PDE10A: variants seen among roughly 807,000 people sequenced by gnomAD.
PDE10A encodes phosphodiesterase 10A.
A neutral mutation model predicts 97.7 loss-of-function variants in PDE10A; 39 were observed. That is an observed-to-expected ratio of 0.40 (90% confidence interval 0.31 to 0.52). The LOEUF (loss-of-function observed/expected upper bound fraction) is 0.52. PDE10A is among the 20% of genes least tolerant of loss of function. The pLI, the probability that PDE10A is intolerant of heterozygous loss-of-function variation, is 0.56. For synonymous variants in PDE10A, 371 were observed against 376.8 expected (o/e 0.98, Z 0.18); for missense variants, 731 against 1,047.8 (o/e 0.70, Z 4.17).
In PDE10A at chr6:165,919,757, G is replaced by A. The variant is rs76144499; in HGVS notation, c.-615+67772C>T. Among the ~76,000 whole-genome samples the A allele has an allele frequency of 7.5e-3, 1,141 of 152,280 alleles. 14 individuals carry two copies. The highest frequency in any genetic ancestry group is 0.024 in the African/African-American group (1,009 of 41,558). On this transcript the variant is annotated intron_variant, in intron 1 of 19. Coordinates refer to the PDE10A transcript ENST00000366882. Reference sequence around the variant, plus strand: ...TATCTTTCGCAGTCCTGTTTTAAGAGCTATAATTATTTATTTGCTCTTTAT... The same window carrying A: ...TATCTTTCGCAGTCCTGTTTTAAGAACTATAATTATTTATTTGCTCTTTAT...
rs1424722791 is a variant in PDE10A, at chr6:165,662,924, C to T, written c.-113G>A. 2.0e-5 allele frequency among the ~76,000 whole-genome samples: 3 copies of T among 151,338 alleles called. No individual in the cohort carries two copies. Among genetic ancestry groups the T allele is most frequent in the Non-Finnish European group, 4.4e-5 (3 of 67,736 alleles). ...TGCCCACCCCTGCCGGCCGCCCGAA[C>T]CGCTGCCTGGTCCTCCTCTCCGGTC... On this transcript the variant is annotated 5_prime_UTR_variant, in exon 1 of 22. Transcript: ENST00000539869.
At chr6:165,782,802 G>A (rs1778379257) in intron 1 of PDE10A, among the ~76,000 whole-genome samples, 1 of 152,144 alleles carries the variant, frequency 6.6e-6, no homozygotes. Flanking sequence ...TGACTTAATG[G>A]GTATGAGATG....
chr6:165,669,278 G>C (rs1252130941), intron 1 of PDE10A, among the ~76,000 whole-genome samples: 1 of 152,218 alleles, frequency 6.6e-6, no homozygotes, highest in Non-Finnish European at 1.5e-5. Context: ...CTAACTCTCA[G>C]ACTGGGAGTT....
chr6:165,665,811 TAATC>T (rs1445841004), upstream of PDE10A, among the ~76,000 whole-genome samples: 4 of 152,148 alleles, frequency 2.6e-5, no homozygotes, highest in African/African-American at 9.7e-5. Flanking sequence ...CCAAGGAAAA[TAATC>T]AAGAGTTTTG....
rs567095060 is a variant in PDE10A, at chr6:165,382,646, CTG to C, written c.2611-3282_2611-3281del. 1.5e-4 allele frequency among the ~76,000 whole-genome samples: 23 copies of C among 152,018 alleles called. No individual in the cohort carries two copies. The East Asian group carries it at 4.3e-3, about 28-fold the overall frequency. ...CTCATGGGGATATAATAAAAATAAA[CTG>C]TATTAAAATATGTACAAAATATTTA... is the stretch of plus-strand genomic sequence containing the variant. On this transcript the variant is annotated intron_variant, in intron 17 of 21. Coordinates refer to ENST00000539869, the MANE Select transcript of PDE10A (RefSeq NM_001385079.1).
chr6:165,726,823 G>A (rs572160855), intron 1 of PDE10A, among the ~76,000 whole-genome samples: 2 of 152,322 alleles, frequency 1.3e-5, no homozygotes, highest in East Asian at 1.9e-4. Context: ...CAGCCCAGTT[G>A]CCGACCACAG....
intron 5 of PDE10A, 24 bp downstream of exon 5, chr6:165,448,904 C>T: frequency 6.5e-7 from 1 of 1,542,088 alleles, no homozygotes; most frequent in Non-Finnish European, 8.9e-7. Context: ...TCTAGAGCAC[C>T]AAAATCTAAA....
At chr6:165,449,842 T>C (rs1179123095) in intron 4 of PDE10A, among the ~76,000 whole-genome samples, 1 of 152,044 alleles carries the variant, frequency 6.6e-6, no homozygotes, top group Non-Finnish European at 1.5e-5. Context: ...CCCCATTCTA[T>C]TCACAACATA....
chr6:165,967,226 C>T (rs991821316), intron 1 of PDE10A, among the ~76,000 whole-genome samples: 16 of 152,212 alleles, frequency 1.1e-4, no homozygotes, highest in Admixed American at 8.5e-4. Flanking sequence ...TGGCCAGGCA[C>T]AGTGGTTCAC....
intron 1 of PDE10A, among the ~76,000 whole-genome samples, chr6:165,972,302 T>C (rs1784703814): frequency 6.6e-6 from 1 of 151,896 alleles, no homozygotes; most frequent in South Asian, 2.1e-4. Flanking sequence ...GGTGGCCACC[T>C]GCGCAGGTGG....
chr6:165,835,915 C>T (rs1780052511), intron 1 of PDE10A, among the ~76,000 whole-genome samples: 2 of 152,202 alleles, frequency 1.3e-5, no homozygotes, highest in African/African-American at 4.8e-5. Flanking sequence ...GCAGTTTGCT[C>T]TAGTTCAGCC....
At chr6:165,471,370 T>C (rs765195253) in intron 3 of PDE10A, among the ~76,000 whole-genome samples, 21 of 152,176 alleles carry the variant, frequency 1.4e-4, no homozygotes, top group Non-Finnish European at 2.2e-4. Flanking sequence ...CTAGCTACTA[T>C]CTGTATGTGG....
At chr6:165,477,253 G>A (rs1356019250) in intron 3 of PDE10A, among the ~76,000 whole-genome samples, 5 of 152,092 alleles carry the variant, frequency 3.3e-5, no homozygotes, top group East Asian at 1.9e-4. Flanking sequence ...GCTCCTACCC[G>A]GTTCTCAGCA....
chr6:165,826,143 A>G (rs1197886428), intron 1 of PDE10A, among the ~76,000 whole-genome samples: 2 of 152,060 alleles, frequency 1.3e-5, no homozygotes, highest in African/African-American at 4.8e-5. Flanking sequence ...GTGGGATTGT[A>G]TTTCTTGATC....
intron 1 of PDE10A, among the ~76,000 whole-genome samples, chr6:165,876,134 G>T (rs1447623016): frequency 6.6e-6 from 1 of 152,332 alleles, no homozygotes; most frequent in East Asian, 1.9e-4. Context: ...ATGCCAAGTG[G>T]CAGGACACAC....
chr6:165,747,175 TATC>T (rs1015001212), intron 1 of PDE10A, among the ~76,000 whole-genome samples: 10 of 152,248 alleles, frequency 6.6e-5, no homozygotes, highest in Non-Finnish European at 1.5e-4. Context: ...CATATTTCCT[TATC>T]ATCTTTTGTT....
At chr6:165,373,268 AAACTACCAT>A (rs1419442136) in intron 18 of PDE10A, among the ~76,000 whole-genome samples, 5 of 151,900 alleles carry the variant, frequency 3.3e-5, no homozygotes. Flanking sequence ...ACAGCAAAAG[AAACTACCAT>A]CAGAGTGAAC....
rs899976455 is a variant in PDE10A, at chr6:165,662,748, C to A, written c.64G>T (p.Glu22Ter). The change falls in exon 1 of 22, where the codon GAG becomes TAG. Residue 22 changes from glutamate (E) to a stop codon, truncating the protein, a stop_gained. Coordinates refer to ENST00000539869, the MANE Select transcript of PDE10A (RefSeq NM_001385079.1). LOFTEE classifies it high-confidence loss of function. ...AGTTTGCCGGGGCCGCAGCCCGGCT[C>A]GTCCCCGGCCGCTGGCAGGGGACCC... ...PQGPLPAAGD[E>*]PGCGPGKLRP... Among the ~76,000 whole-genome samples the A allele has an allele frequency of 2.7e-5, 4 of 147,614 alleles. No homozygotes were observed. The highest frequency in any genetic ancestry group is 6.0e-5 in the Non-Finnish European group (4 of 66,368).
intron 3 of PDE10A, among the ~76,000 whole-genome samples, chr6:165,481,982 T>C (rs1779628973): frequency 6.6e-6 from 1 of 152,236 alleles, no homozygotes. Flanking sequence ...TGCTGCCCTG[T>C]GAGAGTTATC....
Sources: allele counts gnomAD v4.1 joint callset (sites outside exome capture counted in the v4.1 genomes callset), GRCh38; gene constraint gnomAD v4.1.1; transcripts MANE v1.5; gene names NCBI Gene and HGNC (gene_info 2026-07-23, HGNC 2026-07-21).